Variants in LTBP1 observed in about 807,000 individuals in gnomAD.
LTBP1 encodes the protein latent-transforming growth factor beta-binding protein 1.
A neutral mutation model predicts 207.6 loss-of-function variants in LTBP1; 129 were observed. That is an observed-to-expected ratio of 0.62 (90% CI 0.54 to 0.72). LTBP1 has a LOEUF of 0.72. LTBP1 is among the 30% of genes least tolerant of loss of function. The pLI is 0.00. For synonymous variants in LTBP1, 963 were observed against 833.7 expected (o/e 1.16, Z -2.67); for missense variants, 2,281 against 2,217.2 (o/e 1.03, Z -0.58).
chr2:33,186,908 A>G lies in LTBP1; in HGVS notation c.1254A>G (p.Lys418=). The change falls in exon 6 of 34, where the codon AAA becomes AAG. Residue 418 remains lysine, a synonymous_variant. Transcript: ENST00000404816. The part of the protein sequence containing the change: ...MNGGQCSSRD[K]CQCPPNFTGK... ...GTGGCCAGTGCAGTTCAAGGGACAA[A>G]TGTCAGTGCCCTCCAAATTTCACAG... The G allele has an allele frequency of 1.2e-6, 2 of 1,614,208 alleles. No homozygotes were observed. The highest frequency in any genetic ancestry group is 1.7e-6 in the Non-Finnish European group (2 of 1,180,034).
At chr2:33,121,825 GT>G (rs2081140621) in intron 4 of LTBP1, among the ~76,000 whole-genome samples, 1 of 151,922 alleles carries the variant, frequency 6.6e-6, no homozygotes, top group Non-Finnish European at 1.5e-5. Context: ...TGTTGTTTTG[GT>G]TTTGGTAACT....
Position 32,947,324 on chromosome 2 carries a change from G to C in LTBP1, c.-1G>C, listed in dbSNP as rs1477453923. On this transcript the variant is annotated 5_prime_UTR_variant, in exon 1 of 34. Coordinates refer to ENST00000404816, the MANE Select transcript of LTBP1 (RefSeq NM_206943.4). ...ACCGGTCGCGCCCGCTGGGGCCCGCGATGGCGGGGGCCTGGCTCAGGTGGG... is the reference window on the plus strand; with the variant it reads ...ACCGGTCGCGCCCGCTGGGGCCCGCCATGGCGGGGGCCTGGCTCAGGTGGG... The C allele has an allele frequency of 5.7e-6, 7 of 1,233,408 alleles. No homozygotes were observed. The African/African-American group carries it at 9.4e-5, about 17-fold the overall frequency. 76.4% of individuals were successfully genotyped at this position (1,233,408 alleles called of 1,614,324 possible).
chr2:33,011,681 G>C (rs897978926), intron 2 of LTBP1, among the ~76,000 whole-genome samples: 1 of 151,992 alleles, frequency 6.6e-6, no homozygotes, highest in Non-Finnish European at 1.5e-5. Context: ...TGTTATGGCA[G>C]CCTGGCAAGC....
chr2:32,980,961 A>G (rs1287482630), intron 2 of LTBP1, among the ~76,000 whole-genome samples: 1 of 152,090 alleles, frequency 6.6e-6, no homozygotes, highest in Admixed American at 6.5e-5. Context: ...ATTGCGCTCC[A>G]TTGTATGTTA....
intron 26 of LTBP1, among the ~76,000 whole-genome samples, chr2:33,347,867 C>T (rs115450309): frequency 0.028 from 4,227 of 152,266 alleles, 123 homozygotes; most frequent in Non-Finnish European, 0.035. Flanking sequence ...ATCCTCCATA[C>T]GTTCTTGGCC....
chr2:33,278,157 C>G (rs2148502975), intron 18 of LTBP1, among the ~76,000 whole-genome samples: 1 of 151,946 alleles, frequency 6.6e-6, no homozygotes, highest in East Asian at 1.9e-4. Context: ...AAGTTCTACA[C>G]ACGGGTCAAG....
At chr2:33,025,397 TACTG>T (rs769151345) in intron 3 of LTBP1, among the ~76,000 whole-genome samples, 9 of 152,266 alleles carry the variant, frequency 5.9e-5, no homozygotes, top group South Asian at 4.1e-4. Context: ...AAAACCAAGC[TACTG>T]ACTAAGATTT....
intron 25 of LTBP1, among the ~76,000 whole-genome samples, chr2:33,344,735 C>G (rs1573940636): frequency 1.3e-5 from 2 of 152,298 alleles, no homozygotes; most frequent in East Asian, 3.9e-4. Flanking sequence ...TTCTGCAAGG[C>G]TATGACCTCT....
At chr2:33,031,647 A>G (rs2075696217) in intron 3 of LTBP1, among the ~76,000 whole-genome samples, 1 of 152,198 alleles carries the variant, frequency 6.6e-6, no homozygotes, top group African/African-American at 2.4e-5. Flanking sequence ...GGACTTGGAA[A>G]AGTGAAGGAG....
At chr2:33,027,384 T>C (rs1028918841) in intron 3 of LTBP1, among the ~76,000 whole-genome samples, 6 of 152,204 alleles carry the variant, frequency 3.9e-5, no homozygotes, top group African/African-American at 1.4e-4. Flanking sequence ...GTCTACTCTC[T>C]TAGCAAATTA....
At chr2:33,264,287 A>G (rs2093113932) in intron 15 of LTBP1, among the ~76,000 whole-genome samples, 1 of 151,862 alleles carries the variant, frequency 6.6e-6, no homozygotes, top group African/African-American at 2.4e-5. Context: ...ATATGATGTA[A>G]TGATTACCAT....
At chr2:33,348,023 T>C (rs11895736) in intron 26 of LTBP1, among the ~76,000 whole-genome samples, 14,998 of 152,248 alleles carry the variant, frequency 0.099, 933 homozygotes, top group Middle Eastern at 0.16. Context: ...CGCTTAAAAT[T>C]TGATTTAGGC....
At chr2:33,346,888 G>A (rs900229385) in intron 25 of LTBP1, among the ~76,000 whole-genome samples, 1 of 151,940 alleles carries the variant, frequency 6.6e-6, no homozygotes, top group Non-Finnish European at 1.5e-5. Flanking sequence ...AGGCCGAGGT[G>A]GGCGGATCAC....
At chr2:33,240,113 A>G (rs1004900988) in intron 9 of LTBP1, among the ~76,000 whole-genome samples, 7 of 152,180 alleles carry the variant, frequency 4.6e-5, no homozygotes, top group African/African-American at 1.7e-4. Context: ...CACGTTCCAT[A>G]CAGTTGTTAA....
intron 2 of LTBP1, among the ~76,000 whole-genome samples, chr2:32,991,125 T>G (rs1316061248): frequency 6.6e-6 from 1 of 152,262 alleles, no homozygotes; most frequent in Non-Finnish European, 1.5e-5. Flanking sequence ...TTACTCATTT[T>G]GCTTTTTATC....
At chr2:33,330,938 A>G (rs1370356340) in intron 24 of LTBP1, among the ~76,000 whole-genome samples, 2 of 151,702 alleles carry the variant, frequency 1.3e-5, no homozygotes, top group Non-Finnish European at 2.9e-5. Flanking sequence ...TGCAGTTAAG[A>G]TTTCATTAAT....
At chr2:33,300,949 TTAA>T (rs1255629681) in intron 21 of LTBP1, among the ~76,000 whole-genome samples, 1 of 152,226 alleles carries the variant, frequency 6.6e-6, no homozygotes, top group Non-Finnish European at 1.5e-5. Flanking sequence ...CTGTGGAATG[TTAA>T]TAACCTTAAT....
Position 33,087,619 on chromosome 2 carries a change from G to C in LTBP1, c.864-22963G>C, listed in dbSNP as rs374244008. ...AGATCACTTACCACTCCCACCCTCT[G>C]TCCTGCCCCCAGCTTCAATCATGGA... On this transcript the variant is annotated intron_variant, in intron 3 of 33. Transcript: ENST00000404816. Among the ~76,000 whole-genome samples the C allele has an allele frequency of 5.4e-4, 82 of 152,236 alleles. 3 individuals carry two copies. In the South Asian group the frequency reaches 0.017, roughly 31 times the overall value.
At chr2:33,261,655 A>G (rs746527411) in intron 13 of LTBP1, among the ~76,000 whole-genome samples, 4 of 152,218 alleles carry the variant, frequency 2.6e-5, no homozygotes, top group Non-Finnish European at 5.9e-5. Flanking sequence ...TGGATGGGAC[A>G]GATTAATGAC....
Sources: allele counts gnomAD v4.1 joint callset (sites outside exome capture counted in the v4.1 genomes callset), GRCh38; gene constraint gnomAD v4.1.1; transcripts MANE v1.5; gene names NCBI Gene and HGNC (gene_info 2026-07-23, HGNC 2026-07-21).